Variants in RASA3 observed in about 807,000 individuals in gnomAD.
RASA3 encodes RAS p21 protein activator 3, also known as ras GTPase-activating protein 3.
Under a neutral mutation model 110.0 loss-of-function variants are expected in RASA3, and 73 were observed. The ratio of observed to expected loss-of-function variants is 0.66; its 90% CI spans 0.55 to 0.81. The LOEUF (loss-of-function observed/expected upper bound fraction) is 0.81. Ranked by LOEUF, RASA3 falls within the 30% of genes least tolerant of loss-of-function variation. RASA3 has a pLI of 0.00. For missense variants in RASA3, 976 were observed against 1,113.2 expected, an observed-to-expected ratio of 0.88 and a Z score of 1.75; for synonymous variants, 500 against 451.4, an observed-to-expected ratio of 1.11 and a Z score of -1.37.
chr13:114,041,102 A>G lies in RASA3; in HGVS notation c.278-8T>C. The G allele has an allele frequency of 6.2e-7, 1 of 1,612,020 alleles. No individual in the cohort carries two copies. The highest frequency in any genetic ancestry group is 1.1e-5 in the South Asian group (1 of 91,044). ...TCTGGATGGCCACCTTCCCTGCAACACAAGCAGAGAAGACTTCACCACGGG... is the reference window on the plus strand; with the variant it reads ...TCTGGATGGCCACCTTCCCTGCAACGCAAGCAGAGAAGACTTCACCACGGG... On this transcript the variant is annotated splice_polypyrimidine_tract_variant and splice_region_variant and intron_variant, in intron 3 of 23. Transcript: ENST00000334062.
At chr13:114,063,036 G>A (rs747332571) in intron 2 of RASA3, among the ~76,000 whole-genome samples, 33 of 152,256 alleles carry the variant, frequency 2.2e-4, no homozygotes, top group East Asian at 5.8e-4. Flanking sequence ...TACAGGGCGC[G>A]AGTGTCGTTT....
intron 1 of RASA3, among the ~76,000 whole-genome samples, chr13:114,083,021 T>A (rs1431078343): frequency 6.6e-6 from 1 of 152,220 alleles, no homozygotes; most frequent in Non-Finnish European, 1.5e-5. Flanking sequence ...TAGCTGGTTC[T>A]CAAAAAGTGC....
chr13:114,055,265 T>C (rs2079225028), intron 2 of RASA3, among the ~76,000 whole-genome samples: 1 of 152,244 alleles, frequency 6.6e-6, no homozygotes, highest in Non-Finnish European at 1.5e-5. Context: ...CCTGGAGCAC[T>C]TGGGTGCACA....
chr13:114,091,122 A>C (rs916108842), intron 1 of RASA3, among the ~76,000 whole-genome samples: 1 of 152,168 alleles, frequency 6.6e-6, no homozygotes, highest in African/African-American at 2.4e-5. Context: ...CTAGCATTTC[A>C]ACTTTAAATA....
At chr13:114,026,713 AC>A (rs1345112543) in intron 7 of RASA3, among the ~76,000 whole-genome samples, 1 of 152,122 alleles carries the variant, frequency 6.6e-6, no homozygotes. Context: ...ATCCATCCTC[AC>A]ATCTCCAGGG....
intron 2 of RASA3, among the ~76,000 whole-genome samples, chr13:114,055,816 T>C (rs985763330): frequency 7.4e-6 from 1 of 135,980 alleles, no homozygotes; most frequent in South Asian, 2.6e-4. Flanking sequence ...GCCCAGGCTG[T>C]CCTGGCTGCG....
intron 4 of RASA3, among the ~76,000 whole-genome samples, chr13:114,032,360 G>C (rs184823265): frequency 6.6e-6 from 1 of 152,092 alleles, no homozygotes; most frequent in African/African-American, 2.4e-5. Flanking sequence ...AATCAAAAAC[G>C]CTCTATATCC....
chr13:114,126,758 G>A (rs547440091), intron 1 of RASA3, among the ~76,000 whole-genome samples: 7 of 152,340 alleles, frequency 4.6e-5, no homozygotes, highest in Middle Eastern at 3.4e-3. Context: ...GGAAGTGCCT[G>A]GTGCATCTAA....
intron 8 of RASA3, among the ~76,000 whole-genome samples, chr13:114,023,709 G>T (rs1257775329): frequency 1.3e-5 from 2 of 152,254 alleles, no homozygotes; most frequent in Non-Finnish European, 2.9e-5. Flanking sequence ...CGTTTCCCGT[G>T]GGAGGCGTTG....
intron 22 of RASA3, 138 bp from the exon 23 acceptor site, chr13:113,981,996 C>G: frequency 1.4e-6 from 1 of 728,304 alleles, no homozygotes; most frequent in South Asian, 2.0e-5. Flanking sequence ...CTGACCACCA[C>G]TCGTAAACGC....
rs1407256142 is a variant in RASA3 at position 114,065,029 on chromosome 13, C to A, written c.173+8691G>T. 1.3e-5 allele frequency among the ~76,000 whole-genome samples: 2 copies of A among 152,230 alleles called. No homozygotes were observed. Among genetic ancestry groups the A allele is most frequent in the African/African-American group, 4.8e-5 (2 of 41,448 alleles). On this transcript the variant is annotated intron_variant, in intron 2 of 23. Coordinates refer to ENST00000334062, the MANE Select transcript of RASA3 (RefSeq NM_007368.4). The surrounding 1 kb of genome is among the most constrained non-coding windows in gnomAD (Gnocchi z 4.1). The stretch of plus-strand genomic sequence containing the variant: ...TGGAAGAAGTGCAAATGAAGTTTCA[C>A]AGAATCAAGCAAACTTTCACGGGGA...
intron 1 of RASA3, among the ~76,000 whole-genome samples, chr13:114,121,788 G>T (rs1017041882): frequency 2.0e-5 from 3 of 152,246 alleles, no homozygotes; most frequent in African/African-American, 7.2e-5. Flanking sequence ...GCCCTGTACA[G>T]TGAATGAGAT....
intron 1 of RASA3, among the ~76,000 whole-genome samples, chr13:114,095,071 A>C (rs558722781): frequency 6.6e-6 from 1 of 152,246 alleles, no homozygotes; most frequent in Non-Finnish European, 1.5e-5. Context: ...AAATAATTTT[A>C]TAAGCGGAAT....
chr13:113,989,564 C>T (rs1376223741), intron 22 of RASA3, among the ~76,000 whole-genome samples: 1 of 151,498 alleles, frequency 6.6e-6, no homozygotes, highest in African/African-American at 2.4e-5. Context: ...CCACCCATCA[C>T]TCATCCATCT....
At chr13:114,007,698 TC>T in intron 17 of RASA3, 92 bp from the exon 18 acceptor site, 1 of 1,026,302 alleles carries the variant, frequency 9.7e-7, no homozygotes, top group Non-Finnish European at 1.5e-6. Flanking sequence ...GGCTACTGCC[TC>T]CTTTGTAATA....
intron 21 of RASA3, among the ~76,000 whole-genome samples, chr13:113,992,823 C>T (rs987466496): frequency 7.9e-5 from 12 of 152,186 alleles, no homozygotes; most frequent in Non-Finnish European, 1.8e-4. Flanking sequence ...CAAACCGGAA[C>T]TAACTAGCAA....
At chr13:114,064,262 G>T (rs2079409035) in intron 2 of RASA3, among the ~76,000 whole-genome samples, 1 of 152,234 alleles carries the variant, frequency 6.6e-6, no homozygotes, top group East Asian at 1.9e-4. Context: ...TCACCTCGTG[G>T]GCAGAATGGC....
chr13:114,028,632 C>A (rs1167625213), intron 5 of RASA3, among the ~76,000 whole-genome samples: 1 of 148,836 alleles, frequency 6.7e-6, no homozygotes, highest in Non-Finnish European at 1.5e-5. Flanking sequence ...GGGGCCAGGA[C>A]CTCTAAAACA....
rs2054414858 is a variant in RASA3, at chr13:114,041,805, G to C, written c.278-711C>G. 2.0e-5 allele frequency among the ~76,000 whole-genome samples: 3 copies of C among 152,234 alleles called. No homozygotes were observed. The South Asian group carries it at 6.2e-4, about 32-fold the overall frequency. ...GCGACGTGGGTTGGTCTGAATCTGT[G>C]CCTCTAAAGTGTAATGAATGAGCCG... is the stretch of plus-strand genomic sequence containing the variant. On this transcript the variant is annotated intron_variant, in intron 3 of 23. Coordinates refer to ENST00000334062, the MANE Select transcript of RASA3 (RefSeq NM_007368.4).
Sources: gnomAD v4.1 joint callset for allele counts (sites outside exome capture counted in the v4.1 genomes callset) on GRCh38, gnomAD v4.1.1 for gene constraint, Gnocchi (gnomAD v3.1) non-coding constraint, MANE v1.5 for transcripts, NCBI Gene and HGNC (gene_info 2026-07-23, HGNC 2026-07-21) for gene names.